Variants in SALL4 observed in about 807,000 individuals in gnomAD.
SALL4 encodes sal-like protein 4.
In SALL4, 4 loss-of-function variants were observed where a neutral mutation model predicts 60.8. That is an observed-to-expected ratio of 0.07 (90% CI 0.03 to 0.15). The LOEUF is 0.15. Ranked by LOEUF, SALL4 falls within the 10% of genes least tolerant of loss-of-function variation. SALL4 has a pLI of 1.00. For synonymous variants in SALL4, 580 were observed against 574.9 expected (o/e 1.01, Z -0.13); for missense variants, 1,178 against 1,394.7 (o/e 0.84, Z 2.48).
intron 1 of SALL4, among the ~76,000 whole-genome samples, chr20:51,795,388 C>T (rs570979622): frequency 6.6e-6 from 1 of 152,258 alleles, no homozygotes; most frequent in South Asian, 2.1e-4. Context: ...GCCTGGGCGA[C>T]AGAGCGAGAC....
Position 51,789,048 on chromosome 20 carries a change from G to A in SALL4, c.2555C>T (p.Ser852Phe), listed in dbSNP as rs531385986. The A allele has an allele frequency of 5.0e-6, 8 of 1,614,216 alleles. No individual in the cohort carries two copies. The East Asian group carries it at 1.6e-4, about 31-fold the overall frequency. The change falls in exon 3 of 4, where the codon TCC (serine) becomes TTC (phenylalanine). Residue 852 changes from serine (S) to phenylalanine (F), a missense_variant. Physicochemically the swap from Ser to Phe is radical, Grantham distance 155. Transcript: ENST00000217086. The part of the protein sequence containing the change: ...PGTFVGPSTL[S>F]PGMTPLLAAQ... ...TGCTAACAAAGGGGTCATCCCTGGG[G>A]ACAATGTCGAGGGTCCCACAAATGT...
intron 1 of SALL4, 84 bp from the exon 2 acceptor site, chr20:51,792,436 C>T: frequency 1.3e-6 from 2 of 1,539,732 alleles, no homozygotes; most frequent in Non-Finnish European, 1.8e-6. Flanking sequence ...CATCTATAAT[C>T]CTAGCACTTT....
At chr20:51,787,330 A>G (rs868583860) in intron 3 of SALL4, among the ~76,000 whole-genome samples, 126 of 152,224 alleles carry the variant, frequency 8.3e-4, no homozygotes, top group African/African-American at 2.7e-3. Context: ...AGGCTGAGGC[A>G]GGAGAATTGC....
chr20:51,784,097 C>T lies in SALL4; in HGVS notation c.*168G>A. On this transcript the variant is annotated 3_prime_UTR_variant, in exon 4 of 4. Transcript: ENST00000217086. The stretch of plus-strand genomic sequence containing the variant: ...AACTTTTTGCAAAGCAGCATAGCAA[C>T]AATCGTGATTGTAGCACTTGCCTGA... The T allele has an allele frequency of 1.3e-6, 1 of 740,886 alleles. No homozygotes were observed. The highest frequency in any genetic ancestry group is 2.2e-6 in the Non-Finnish European group (1 of 448,322). 45.9% of individuals were successfully genotyped at this position (740,886 alleles called of 1,614,324 possible).
rs139802240 is a variant in SALL4 at position 51,791,717 on chromosome 20, T to C, written c.766A>G (p.Thr256Ala). Residue 256 changes from threonine (T) to alanine (A), a missense_variant, in exon 2 of 4, where the codon ACT (threonine) becomes GCT (alanine). Thr to Ala is a moderately conservative substitution (Grantham distance 58). Coordinates refer to ENST00000217086, the MANE Select transcript of SALL4 (RefSeq NM_020436.5). This position sits in a 1 kb window ranked among gnomAD's most constrained non-coding sequence, Gnocchi z 4.6. ...ATGTGGCTGCCCAAGGTCTTCAGAG[T>C]GTCGGCCCCTGCCCCGCTTGAGTGG... ...ALHSSGAGAD[T>A]LKTLGSHMSQ... The C allele has an allele frequency of 1.5e-4, 249 of 1,613,968 alleles. No homozygotes were observed. The highest frequency in any genetic ancestry group is 2.1e-4 in the Non-Finnish European group (243 of 1,180,032).
chr20:51,784,661 C>T lies in SALL4; in HGVS notation c.2766G>A (p.Ala922=), dbSNP rs751728707. The T allele has an allele frequency of 8.1e-6, 13 of 1,613,986 alleles. No homozygotes were observed. Among genetic ancestry groups the T allele is most frequent in the East Asian group, 2.2e-5 (1 of 44,890 alleles). ...NLKVHYMTHG[A]NNNSARRGRK... ...TTCCACGGCGGGCTGAGTTATTGTT[C>T]GCCCCGTGTGTCATGTAGTGAACCT... Residue 922 remains alanine (A), a synonymous_variant, in exon 4 of 4, where the codon GCG becomes GCA. Coordinates refer to ENST00000217086, the MANE Select transcript of SALL4 (RefSeq NM_020436.5).
Position 51,791,565 on chromosome 20 carries a change from C to T in SALL4, c.918G>A (p.Leu306=). The T allele has an allele frequency of 6.2e-7, 1 of 1,613,730 alleles. No individual in the cohort carries two copies. Among genetic ancestry groups the T allele is most frequent in the South Asian group, 1.1e-5 (1 of 91,084 alleles). ...GAGTGAAGGGTGCCAGCCCTGGGGA[C>T]AGGGAGCTGGTGGCAGAAGGGATGT... The part of the protein sequence containing the change: ...HANIPSATSS[L]SPGLAPFTLK... Residue 306 remains leucine, a synonymous_variant, in exon 2 of 4, where the codon CTG becomes CTA. Transcript: ENST00000217086. This position sits in a 1 kb window ranked among gnomAD's most constrained non-coding sequence, Gnocchi z 4.6.
intron 3 of SALL4, among the ~76,000 whole-genome samples, chr20:51,787,588 A>G (rs1418196575): frequency 6.6e-6 from 1 of 152,144 alleles, no homozygotes; most frequent in African/African-American, 2.4e-5. Context: ...GGACCTTACT[A>G]GCACCTGGCT....
In SALL4 at chr20:51,784,413, G is replaced by A. The variant is rs749615432; in HGVS notation, c.3014C>T (p.Thr1005Ile). 4.3e-6 allele frequency: 7 copies of A among 1,614,188 alleles called. No individual in the cohort carries two copies. The highest frequency in any genetic ancestry group is 5.9e-6 in the Non-Finnish European group (7 of 1,180,038). ...GACAGTGGCGTTATTCACAACGGAG[G>A]TGGCCCCCAAGGAAACCGGGAGGGT... Reference protein sequence around the residue: ...VPTLPVSLGATSVVNNATVSK... With the variant: ...VPTLPVSLGAISVVNNATVSK... Residue 1005 changes from threonine to isoleucine, a missense_variant, in exon 4 of 4, where the codon ACC becomes ATC. Transcript: ENST00000217086.
intron 1 of SALL4, chr20:51,792,831 T>C (rs1000589490): frequency 2.9e-6 from 3 of 1,034,732 alleles, no homozygotes; most frequent in Non-Finnish European, 3.5e-6. Context: ...GCTGGGGTCC[T>C]TCACATGATG....
rs376159562 is a variant in SALL4, at chr20:51,791,413, T to C, written c.1070A>G (p.Lys357Arg). Reference protein sequence around the residue: ...PFSTVALDTSKKGKGKPPNIS... With the variant: ...PFSTVALDTSRKGKGKPPNIS... ...GTTCGGTGGCTTCCCCTTCCCTTTCTTGGATGTGTCTAGCGCCACAGTGGA... is the reference window on the plus strand; with the variant it reads ...GTTCGGTGGCTTCCCCTTCCCTTTCCTGGATGTGTCTAGCGCCACAGTGGA... Residue 357 changes from lysine (K) to arginine (R), a missense_variant, in exon 2 of 4, where the codon AAG becomes AGG. Coordinates refer to ENST00000217086, the MANE Select transcript of SALL4 (RefSeq NM_020436.5). The surrounding 1 kb of genome is among the most constrained non-coding windows in gnomAD (Gnocchi z 4.6). 1.6e-5 allele frequency: 26 copies of C among 1,614,008 alleles called. No homozygotes were observed. In the African/African-American group the frequency reaches 2.9e-4, roughly 18 times the overall value.
intron 1 of SALL4, chr20:51,797,568 C>T (rs545364620): frequency 3.9e-5 from 6 of 152,064 alleles, no homozygotes; most frequent in South Asian, 2.1e-4. Context: ...CTGGTAAATA[C>T]CGCAACTGTA....
chr20:51,787,120 C>CCAAAA (rs1268161604), intron 3 of SALL4, among the ~76,000 whole-genome samples: 2 of 149,876 alleles, frequency 1.3e-5, no homozygotes, highest in Non-Finnish European at 1.5e-5. Flanking sequence ...ACAAAACAAA[C>CCAAAA]CAAAACAAAA....
rs57307622 is a variant in SALL4 at position 51,782,573 on chromosome 20, A to AAAAG, written c.*1691_*1692insCTTT. On this transcript the variant is annotated 3_prime_UTR_variant, in exon 4 of 4. Transcript: ENST00000217086. ...GGCAAAAAAAAAAAAAAAAAAAAAA[A>AAAAG]AGGGGGGCGGAATCCTAAAGTCAGG... The AAAAG allele has an allele frequency of 0.049, 6,404 of 130,444 alleles. 341 individuals carry two copies. The highest frequency in any genetic ancestry group is 0.065 in the Non-Finnish European group (4,197 of 64,298). 8.1% of individuals were successfully genotyped at this position (130,444 alleles called of 1,614,324 possible). A position where few individuals can be genotyped will look rare whatever the true frequency, so the allele number is the denominator to read the frequency against.
chr20:51,795,598 C>G lies in SALL4; in HGVS notation c.131-3246G>C, dbSNP rs556069021. ...AAAAGCAATTTTGACAATTATGTGT[C>G]AAGAATGTTAAGAAGTGAAACTTTT... On this transcript the variant is annotated intron_variant, in intron 1 of 3. Coordinates refer to ENST00000217086, the MANE Select transcript of SALL4 (RefSeq NM_020436.5). Among the ~76,000 whole-genome samples, 3 of 152,178 alleles carry G rather than the reference C, an allele frequency of 2.0e-5. No individual in the cohort carries two copies. The East Asian group carries it at 5.8e-4, about 29-fold the overall frequency.
At position 51,789,153 on chromosome 20, in the gene SALL4, AG is replaced by A; in HGVS notation, c.2462-13del. ...GAGACTGCTCCGACCTAGTACACAG[AG>A]GGGAAAAAAGCCAGACCTTTATCAT... is the stretch of plus-strand genomic sequence containing the variant. On this transcript the variant is annotated splice_polypyrimidine_tract_variant and intron_variant, in intron 2 of 3. Transcript: ENST00000217086. 6.2e-7 allele frequency: 1 copy of A among 1,613,202 alleles called. No homozygotes were observed. Among genetic ancestry groups the A allele is most frequent in the Non-Finnish European group, 8.5e-7 (1 of 1,179,288 alleles).
chr20:51,783,462 C>T lies in SALL4; in HGVS notation c.*803G>A, dbSNP rs906628003. The T allele has an allele frequency of 6.6e-6, 1 of 151,874 alleles. No individual in the cohort carries two copies. Among genetic ancestry groups the T allele is most frequent in the Non-Finnish European group, 1.5e-5 (1 of 68,002 alleles). 9.4% of individuals were successfully genotyped at this position (151,874 alleles called of 1,614,324 possible). On this transcript the variant is annotated 3_prime_UTR_variant, in exon 4 of 4. Coordinates refer to ENST00000217086, the MANE Select transcript of SALL4 (RefSeq NM_020436.5). Reference sequence around the variant, plus strand: ...CAATAAGATGGGGACAGGGTTGGGGCATATAAAACAGGTCCCTAAAGAGAT... The same window carrying T: ...CAATAAGATGGGGACAGGGTTGGGGTATATAAAACAGGTCCCTAAAGAGAT...
chr20:51,790,469 T>A lies in SALL4; in HGVS notation c.2014A>T (p.Thr672Ser). The change falls in exon 2 of 4, where the codon ACC (threonine) becomes TCC (serine). Residue 672 changes from threonine to serine, a missense_variant. By Grantham distance (58) the Thr-to-Ser change is moderately conservative. Transcript: ENST00000217086. This position sits in a 1 kb window ranked among gnomAD's most constrained non-coding sequence, Gnocchi z 5.5. ...CCGGTGCTGCCGTTCTCACCCACGG[T>A]CATTGGCTCAGAACCCGTAAAGTCA... ...PCDFTGSEPM[T>S]VGENGSTGAI... 1.9e-6 allele frequency: 3 copies of A among 1,614,102 alleles called. No homozygotes were observed. The highest frequency in any genetic ancestry group is 8.5e-7 in the Non-Finnish European group (1 of 1,180,042).
At chr20:51,799,414 A>T (rs1256158372) in intron 1 of SALL4, among the ~76,000 whole-genome samples, 4 of 152,224 alleles carry the variant, frequency 2.6e-5, no homozygotes, top group Non-Finnish European at 4.4e-5. Context: ...TTCACATTTT[A>T]AAAAAGGAAA....
Sources: gnomAD v4.1 joint callset for allele counts (sites outside exome capture counted in the v4.1 genomes callset) on GRCh38, gnomAD v4.1.1 for gene constraint, Gnocchi (gnomAD v3.1) non-coding constraint, MANE v1.5 for transcripts, NCBI Gene and HGNC (gene_info 2026-07-23, HGNC 2026-07-21) for gene names.